CDC42SE2: variants seen among roughly 807,000 people sequenced by gnomAD.
CDC42SE2 encodes the protein CDC42 small effector 2, also known as CDC42 small effector protein 2.
In CDC42SE2, 3 loss-of-function variants were observed where a neutral mutation model predicts 11.5. The ratio of observed to expected loss-of-function variants is 0.26; its 90% CI spans 0.12 to 0.67. The LOEUF is 0.67. Among genes scored for constraint, CDC42SE2 ranks in the 30% least tolerant of loss-of-function variants. The pLI, the probability that CDC42SE2 is intolerant of heterozygous loss-of-function variation, is 0.80. For missense variants in CDC42SE2, 82 were observed against 106.8 expected, an observed-to-expected ratio of 0.77 and a Z score of 1.02; for synonymous variants, 33 against 34.8, an observed-to-expected ratio of 0.95 and a Z score of 0.18.
At chr5:131,316,688 C>T (rs561265425) in intron 2 of CDC42SE2, among the ~76,000 whole-genome samples, 1 of 152,234 alleles carries the variant, frequency 6.6e-6, no homozygotes, top group African/African-American at 2.4e-5. Context: ...AGTGCTGGAG[C>T]CATCTTTTTA....
intron 3 of CDC42SE2, among the ~76,000 whole-genome samples, chr5:131,377,289 C>T (rs1159896555): frequency 6.6e-6 from 1 of 151,816 alleles, no homozygotes; most frequent in East Asian, 1.9e-4. Flanking sequence ...GTGTCTCAGC[C>T]TCTCGAGTAG....
intron 1 of CDC42SE2, among the ~76,000 whole-genome samples, chr5:131,269,647 C>G (rs1393764485): frequency 2.0e-5 from 3 of 152,068 alleles, no homozygotes; most frequent in African/African-American, 7.2e-5. Context: ...GCCTGTAATC[C>G]CAGCTACTTG....
At chr5:131,235,075 G>A in the CDC42SE2 span, among the ~76,000 whole-genome samples, 85 of 151,908 alleles carry the variant, frequency 5.6e-4, no homozygotes, top group Middle Eastern at 3.4e-3. Flanking sequence ...AGTTTTAGTA[G>A]AGAAGCGGTT....
At chr5:131,377,616 A>T (rs577034170) in intron 3 of CDC42SE2, among the ~76,000 whole-genome samples, 1 of 152,324 alleles carries the variant, frequency 6.6e-6, no homozygotes, top group Admixed American at 6.5e-5. Context: ...ATCTTCTGTG[A>T]CTAGAGCTCA....
At chr5:131,337,078 T>G (rs1758584559) in intron 2 of CDC42SE2, among the ~76,000 whole-genome samples, 1 of 152,162 alleles carries the variant, frequency 6.6e-6, no homozygotes. Context: ...TCTGCTCTGT[T>G]TTTTCCGCAT....
At chr5:131,300,901 G>T (rs190771508) in intron 1 of CDC42SE2, among the ~76,000 whole-genome samples, 1 of 152,068 alleles carries the variant, frequency 6.6e-6, no homozygotes, top group Non-Finnish European at 1.5e-5. Context: ...AATAGTTTCC[G>T]TTTTTTAGCT....
At chr5:131,336,274 T>C (rs1201042783) in intron 2 of CDC42SE2, among the ~76,000 whole-genome samples, 4 of 152,226 alleles carry the variant, frequency 2.6e-5, no homozygotes, top group African/African-American at 9.7e-5. Flanking sequence ...AATTCTTAAT[T>C]CTTTAAGAAT....
chr5:131,220,400 T>G, the CDC42SE2 span, among the ~76,000 whole-genome samples: 1 of 151,970 alleles, frequency 6.6e-6, no homozygotes, highest in African/African-American at 2.4e-5. Context: ...AGAGAAGGGG[T>G]TTCACCGTGT....
chr5:131,304,776 A>G (rs968724438), intron 1 of CDC42SE2, among the ~76,000 whole-genome samples: 3 of 152,280 alleles, frequency 2.0e-5, no homozygotes, highest in Non-Finnish European at 2.9e-5. Context: ...TGGAAGAGCT[A>G]TTTTCTGAAG....
chr5:131,351,500 C>T (rs533439820), intron 2 of CDC42SE2, among the ~76,000 whole-genome samples: 14 of 152,098 alleles, frequency 9.2e-5, no homozygotes, highest in East Asian at 3.9e-4. Context: ...GTGATCCGCC[C>T]GCCTTGGCCT....
chr5:131,372,351 C>T (rs40396), intron 3 of CDC42SE2, among the ~76,000 whole-genome samples: 3 of 151,860 alleles, frequency 2.0e-5, no homozygotes, highest in Non-Finnish European at 4.4e-5. Flanking sequence ...TTTTTAAGAA[C>T]TCCAAGGTTC....
chr5:131,224,154 T>C, the CDC42SE2 span, among the ~76,000 whole-genome samples: 2 of 152,202 alleles, frequency 1.3e-5, no homozygotes, highest in East Asian at 3.8e-4. Flanking sequence ...ACACTCACTT[T>C]CTTAAAAATC....
intron 3 of CDC42SE2, among the ~76,000 whole-genome samples, chr5:131,371,405 G>T (rs899368676): frequency 6.6e-6 from 1 of 152,038 alleles, no homozygotes; most frequent in African/African-American, 2.4e-5. Context: ...CTGGTTCTTA[G>T]ATATTTCTGG....
intron 3 of CDC42SE2, among the ~76,000 whole-genome samples, chr5:131,378,794 C>A (rs1750228870): frequency 1.3e-5 from 2 of 152,260 alleles, no homozygotes; most frequent in East Asian, 3.9e-4. Context: ...TTTTCTAGTT[C>A]CATACTGACT....
chr5:131,285,641 G>C (rs1175418926), intron 1 of CDC42SE2, among the ~76,000 whole-genome samples: 1 of 152,140 alleles, frequency 6.6e-6, no homozygotes, highest in Non-Finnish European at 1.5e-5. Flanking sequence ...TCTATTCTAG[G>C]ATTTTTAGGC....
chr5:131,335,243 A>G (rs1025832132), intron 2 of CDC42SE2, among the ~76,000 whole-genome samples: 10 of 152,158 alleles, frequency 6.6e-5, no homozygotes, highest in East Asian at 1.9e-4. Flanking sequence ...TTATTCAGGA[A>G]CAGGTTGTTC....
At chr5:131,298,685 T>C (rs1402036474) in intron 1 of CDC42SE2, among the ~76,000 whole-genome samples, 1 of 152,048 alleles carries the variant, frequency 6.6e-6, no homozygotes, top group African/African-American at 2.4e-5. Flanking sequence ...CCACCATCTT[T>C]GGTACCCCAT....
the CDC42SE2 span, among the ~76,000 whole-genome samples, chr5:131,231,516 G>A: frequency 1.3e-5 from 2 of 152,326 alleles, no homozygotes; most frequent in South Asian, 4.1e-4. Flanking sequence ...GTCTGGGCCA[G>A]TTTGGTTGGG....
the CDC42SE2 span, among the ~76,000 whole-genome samples, chr5:131,210,978 C>T: frequency 2.6e-5 from 4 of 152,330 alleles, 1 homozygote; most frequent in South Asian, 4.1e-4. Flanking sequence ...GCTGGGACTA[C>T]AGGTGTGCAC....
Sources: allele counts gnomAD v4.1 joint callset (sites outside exome capture counted in the v4.1 genomes callset), GRCh38; gene constraint gnomAD v4.1.1; transcripts MANE v1.5; gene names NCBI Gene and HGNC (gene_info 2026-07-23, HGNC 2026-07-21).